NXPH1: variants seen among roughly 807,000 people sequenced by gnomAD.
NXPH1 encodes the protein neurexophilin 1.
Under a neutral mutation model 23.7 loss-of-function variants are expected in NXPH1, and 5 were observed. The ratio of observed to expected loss-of-function variants is 0.21; its 90% CI spans 0.11 to 0.44. The LOEUF is 0.44. NXPH1 is among the 20% of genes least tolerant of loss of function. The probability of loss-of-function intolerance (pLI) is 0.99; values close to 1 mark genes in which losing one functional copy is unlikely to be tolerated. For synonymous variants in NXPH1, 144 were observed against 122.2 expected (o/e 1.18, Z -1.18); for missense variants, 324 against 321.6 (o/e 1.01, Z -0.06).
intron 2 of NXPH1, among the ~76,000 whole-genome samples, chr7:8,453,751 C>G (rs1005322677): frequency 1.3e-5 from 2 of 152,030 alleles, no homozygotes; most frequent in Non-Finnish European, 2.9e-5. Context: ...AGGAAATGAT[C>G]TTGTTCTTTT....
intron 2 of NXPH1, among the ~76,000 whole-genome samples, chr7:8,604,982 C>A (rs1562422371): frequency 1.3e-5 from 2 of 152,018 alleles, no homozygotes; most frequent in Admixed American, 6.6e-5. Context: ...TAGATTGATT[C>A]TTAAATATCA....
chr7:8,703,056 T>C lies in NXPH1; in HGVS notation c.55-47952T>C, dbSNP rs114624170. 4.8e-3 allele frequency among the ~76,000 whole-genome samples: 734 copies of C among 152,156 alleles called. 7 individuals carry two copies. The highest frequency in any genetic ancestry group is 0.017 in the African/African-American group (692 of 41,524). ...AGACATTGCTGGAGGAAGAGAGGGATTTTACCTCTCCCTTTTTGCTGCTGT... is the reference window on the plus strand; with the variant it reads ...AGACATTGCTGGAGGAAGAGAGGGACTTTACCTCTCCCTTTTTGCTGCTGT... On this transcript the variant is annotated intron_variant, in intron 2 of 2. Coordinates refer to ENST00000405863, the MANE Select transcript of NXPH1 (RefSeq NM_152745.3).
intron 2 of NXPH1, among the ~76,000 whole-genome samples, chr7:8,557,423 G>C (rs1818375489): frequency 6.6e-6 from 1 of 151,618 alleles, no homozygotes; most frequent in African/African-American, 2.4e-5. Flanking sequence ...CTGGGGTCAT[G>C]CTTGCTTTGG....
intron 2 of NXPH1, among the ~76,000 whole-genome samples, chr7:8,512,425 C>G (rs1395676058): frequency 1.3e-5 from 2 of 152,102 alleles, no homozygotes; most frequent in Non-Finnish European, 2.9e-5. Context: ...GGAAGTGACT[C>G]TTAATCTTTT....
chr7:8,724,137 T>G (rs1583246964), intron 2 of NXPH1, among the ~76,000 whole-genome samples: 1 of 152,180 alleles, frequency 6.6e-6, no homozygotes, highest in East Asian at 1.9e-4. Context: ...TCCAGGTCAC[T>G]AAAGCTCACA....
At chr7:8,573,604 A>G (rs888492783) in intron 2 of NXPH1, among the ~76,000 whole-genome samples, 4 of 152,164 alleles carry the variant, frequency 2.6e-5, no homozygotes, top group Non-Finnish European at 5.9e-5. Flanking sequence ...CTTTAGAACC[A>G]GGTTATGGAA....
At chr7:8,724,436 T>C (rs541755247) in intron 2 of NXPH1, among the ~76,000 whole-genome samples, 7 of 152,352 alleles carry the variant, frequency 4.6e-5, no homozygotes, top group Non-Finnish European at 1.0e-4. Flanking sequence ...AGTTTGCCTA[T>C]GATGCCTTCT....
chr7:8,647,732 C>G (rs1307563921), intron 2 of NXPH1, among the ~76,000 whole-genome samples: 11 of 148,402 alleles, frequency 7.4e-5, no homozygotes, highest in African/African-American at 2.7e-4. Context: ...AGTGTTTTAT[C>G]TTGTGTGAAG....
intron 2 of NXPH1, among the ~76,000 whole-genome samples, chr7:8,500,218 T>G (rs1013384156): frequency 6.6e-6 from 1 of 152,102 alleles, no homozygotes; most frequent in African/African-American, 2.4e-5. Flanking sequence ...AGTGGTCACT[T>G]TTAGATTCTA....
intron 2 of NXPH1, among the ~76,000 whole-genome samples, chr7:8,668,806 G>GGCCTGGA (rs1319954027): frequency 1.3e-5 from 2 of 152,196 alleles, no homozygotes; most frequent in African/African-American, 4.8e-5. Context: ...ATTGGGGGCT[G>GGCCTGGA]GCCTGGAGCC....
intron 2 of NXPH1, among the ~76,000 whole-genome samples, chr7:8,732,150 C>G (rs973836272): frequency 1.1e-4 from 16 of 152,232 alleles, no homozygotes; most frequent in Non-Finnish European, 1.9e-4. Context: ...AAGGGAACTC[C>G]CTGACCCCTT....
At position 8,635,799 on chromosome 7, in the gene NXPH1, T is replaced by C. The variant is rs190582135; in HGVS notation, c.55-115209T>C. The stretch of plus-strand genomic sequence containing the variant: ...ACAGCTTTTTTTCTTTTTTTGACAA[T>C]TAAAAAAGTTTGGTCCAACTGAATT... On this transcript the variant is annotated intron_variant, in intron 2 of 2. Transcript: ENST00000405863. 5.9e-5 allele frequency among the ~76,000 whole-genome samples: 9 copies of C among 152,334 alleles called. No individual in the cohort carries two copies. The East Asian group carries it at 1.7e-3, about 29-fold the overall frequency.
chr7:8,608,098 A>T (rs1583189067), intron 2 of NXPH1, among the ~76,000 whole-genome samples: 1 of 152,270 alleles, frequency 6.6e-6, no homozygotes, highest in East Asian at 1.9e-4. Context: ...TTTGGCTTCT[A>T]CCCTCTGGAA....
At chr7:8,719,046 G>C (rs2115204775) in intron 2 of NXPH1, among the ~76,000 whole-genome samples, 1 of 152,174 alleles carries the variant, frequency 6.6e-6, no homozygotes, top group East Asian at 1.9e-4. Context: ...CTGCCAAAGA[G>C]GATAAAAATA....
At chr7:8,517,192 C>A (rs997386981) in intron 2 of NXPH1, among the ~76,000 whole-genome samples, 1 of 151,996 alleles carries the variant, frequency 6.6e-6, no homozygotes, top group Non-Finnish European at 1.5e-5. Flanking sequence ...GCAACAGTGG[C>A]GGGTGACTAG....
intron 2 of NXPH1, among the ~76,000 whole-genome samples, chr7:8,663,198 T>A (rs1820706983): frequency 6.6e-6 from 1 of 152,096 alleles, no homozygotes; most frequent in South Asian, 2.1e-4. Context: ...AAATTCTTAC[T>A]TGCAAAAAGA....
intron 2 of NXPH1, among the ~76,000 whole-genome samples, chr7:8,609,522 A>G (rs963317336): frequency 3.3e-5 from 5 of 152,170 alleles, no homozygotes; most frequent in African/African-American, 1.2e-4. Flanking sequence ...TATGACTGTG[A>G]CGTACTTTGA....
intron 2 of NXPH1, among the ~76,000 whole-genome samples, chr7:8,540,427 T>G (rs1818096602): frequency 6.6e-6 from 1 of 151,356 alleles, no homozygotes; most frequent in Non-Finnish European, 1.5e-5. Context: ...TCCCTGAGAG[T>G]AGAAAAATAA....
chr7:8,691,992 G>C (rs1409132285), intron 2 of NXPH1, among the ~76,000 whole-genome samples: 2 of 151,968 alleles, frequency 1.3e-5, no homozygotes, highest in East Asian at 3.9e-4. Context: ...AATGATCTGG[G>C]GAGATACTTT....
Sources: allele counts gnomAD v4.1 joint callset (sites outside exome capture counted in the v4.1 genomes callset), GRCh38; gene constraint gnomAD v4.1.1; transcripts MANE v1.5; gene names NCBI Gene and HGNC (gene_info 2026-07-23, HGNC 2026-07-21).